The following CCDC57 variants were observed in gnomAD, a reference collection of about 807,000 sequenced individuals.
CCDC57 encodes the protein coiled-coil domain containing 57, also known as coiled-coil domain-containing protein 57.
In CCDC57, 118 loss-of-function variants were observed where a neutral mutation model predicts 118.9. The observed-to-expected ratio is 0.99, with a 90% CI of 0.86 to 1.16. The LOEUF (loss-of-function observed/expected upper bound fraction) is 1.16. Among genes scored for constraint, CCDC57 ranks in the 50% most tolerant of loss-of-function variants. The pLI, the probability that CCDC57 is intolerant of heterozygous loss-of-function variation, is 0.00. For missense variants in CCDC57, 1,300 were observed against 1,320.7 expected (o/e 0.98, Z 0.24); for synonymous variants, 527 against 532.9 (o/e 0.99, Z 0.15).
At chr17:82,185,739 G>C (rs374314441) in intron 8 of CCDC57, among the ~76,000 whole-genome samples, 2 of 151,934 alleles carry the variant, frequency 1.3e-5, no homozygotes, top group African/African-American at 4.8e-5. Context: ...AAGCTGGCCA[G>C]GCACGGTGGC....
intron 2 of CCDC57, among the ~76,000 whole-genome samples, chr17:82,204,429 C>A (rs576838916): frequency 6.6e-6 from 1 of 152,326 alleles, no homozygotes; most frequent in Admixed American, 6.5e-5. Flanking sequence ...CCACAAGAGA[C>A]CTCAACTGGC....
chr17:82,172,060 T>G lies in CCDC57; in HGVS notation c.1730-207A>C, dbSNP rs2044814833. On this transcript the variant is annotated intron_variant, in intron 12 of 19. Transcript: ENST00000665763. The surrounding 1 kb of genome is among the most constrained non-coding windows in gnomAD (Gnocchi z 5.2). The stretch of plus-strand genomic sequence containing the variant: ...CCTTCCCTCCCCTCACTGGCCAGAG[T>G]GTGCCAGCCAGAGACCAGCACAGTC... Among the ~76,000 whole-genome samples the G allele has an allele frequency of 6.6e-6, 1 of 152,004 alleles. No homozygotes were observed. Among genetic ancestry groups the G allele is most frequent in the Admixed American group, 6.6e-5 (1 of 15,266 alleles).
intron 19 of CCDC57, among the ~76,000 whole-genome samples, chr17:82,111,446 G>T (rs190828528): frequency 0.01 from 1,489 of 145,044 alleles, 22 homozygotes; most frequent in African/African-American, 0.037. Flanking sequence ...TGGCGTGATC[G>T]TGGCTCACTG....
At chr17:82,127,063 C>G in intron 19 of CCDC57, 12 of 985,460 alleles carry the variant, frequency 1.2e-5, no homozygotes, top group Non-Finnish European at 1.4e-5. Flanking sequence ...ACCCTTCAAA[C>G]AGACTTTTCT....
intron 15 of CCDC57, chr17:82,157,387 C>T (rs956077134): frequency 1.5e-5 from 17 of 1,128,720 alleles, no homozygotes; most frequent in Admixed American, 1.3e-4. Flanking sequence ...TGCACGCAGA[C>T]GCCCCCTCAG....
chr17:82,178,445 G>C, intron 11 of CCDC57, 29 bp downstream of exon 10: 1 of 1,570,458 alleles, frequency 6.4e-7, no homozygotes, highest in Non-Finnish European at 8.6e-7. Context: ...GTTGAGCAAA[G>C]TTTCAAAGAG....
At chr17:82,149,839 A>G (rs966309787) in intron 16 of CCDC57, among the ~76,000 whole-genome samples, 33 of 150,202 alleles carry the variant, frequency 2.2e-4, no homozygotes, top group East Asian at 3.9e-4. Flanking sequence ...GCGCACACCC[A>G]GAACCTGGCG....
At chr17:82,123,982 C>CA (rs200031813) in intron 19 of CCDC57, among the ~76,000 whole-genome samples, 12,326 of 64,540 alleles carry the variant, frequency 0.19, 783 homozygotes, top group Non-Finnish European at 0.23. Context: ...CATCCAAAAG[C>CA]AAAAAAAAAA....
intron 2 of CCDC57, among the ~76,000 whole-genome samples, chr17:82,206,142 CT>C (rs1185067859): frequency 6.6e-6 from 1 of 152,258 alleles, no homozygotes; most frequent in African/African-American, 2.4e-5. Flanking sequence ...CGTTCACCCT[CT>C]TTCAGGAGAA....
chr17:82,198,182 C>T (rs1282097695), intron 4 of CCDC57, 132 bp downstream of exon 3: 4 of 591,024 alleles, frequency 6.8e-6, no homozygotes, highest in Non-Finnish European at 1.2e-5. Flanking sequence ...GCCCCAAAGA[C>T]CCCATTTTAC....
At chr17:82,114,463 T>A (rs2035591649) in intron 19 of CCDC57, among the ~76,000 whole-genome samples, 1 of 152,238 alleles carries the variant, frequency 6.6e-6, no homozygotes, top group African/African-American at 2.4e-5. Context: ...AATGCCACTC[T>A]GGCGTTCTAC....
At chr17:82,109,327 G>T (rs146023566) in intron 19 of CCDC57, among the ~76,000 whole-genome samples, 1 of 152,258 alleles carries the variant, frequency 6.6e-6, no homozygotes, top group Non-Finnish European at 1.5e-5. Flanking sequence ...GAGGCATAAG[G>T]TTCTGTGAGC....
In CCDC57 at chr17:82,198,432, T is replaced by C; in HGVS notation, c.408-10A>G. The stretch of plus-strand genomic sequence containing the variant: ...CTCACCATTCTTGTCACTATGGTAA[T>C]AAAACAGCATTAAGAAAAGCCATAC... On this transcript the variant is annotated splice_polypyrimidine_tract_variant and intron_variant, in intron 3 of 19. Transcript: ENST00000665763. 6.5e-7 allele frequency: 1 copy of C among 1,528,666 alleles called. No homozygotes were observed. The highest frequency in any genetic ancestry group is 9.0e-7 in the Non-Finnish European group (1 of 1,106,260). The allele number at this position is 1,528,666 out of a possible 1,614,324, so 94.7% of individuals were successfully genotyped here.
chr17:82,196,372 G>T (rs147318387), intron 4 of CCDC57, among the ~76,000 whole-genome samples: 13 of 152,326 alleles, frequency 8.5e-5, no homozygotes, highest in Non-Finnish European at 1.5e-5. Context: ...TGGTTTCTGA[G>T]AATTCCAAGA....
intron 11 of CCDC57, among the ~76,000 whole-genome samples, chr17:82,176,165 G>A (rs965283899): frequency 7.1e-6 from 1 of 141,102 alleles, no homozygotes; most frequent in African/African-American, 2.6e-5. Context: ...CCGCACTACA[G>A]TCTAAGCCCA....
chr17:82,172,887 C>G lies in CCDC57; in HGVS notation c.1507-27G>C. On this transcript the variant is annotated intron_variant, in intron 11 of 19. Transcript: ENST00000665763. This position sits in a 1 kb window ranked among gnomAD's most constrained non-coding sequence, Gnocchi z 5.2. ...TGTCAAATACAAGGAAAAATGGCTA[C>G]AAAAAGATGAATGGTTCCCCAGCTT... is the stretch of plus-strand genomic sequence containing the variant. 6.3e-7 allele frequency: 1 copy of G among 1,583,922 alleles called. No individual in the cohort carries two copies. Among genetic ancestry groups the G allele is most frequent in the Non-Finnish European group, 8.6e-7 (1 of 1,161,376 alleles).
intron 11 of CCDC57, among the ~76,000 whole-genome samples, chr17:82,178,153 G>T (rs1438547289): frequency 6.6e-6 from 1 of 152,230 alleles, no homozygotes; most frequent in Admixed American, 6.5e-5. Context: ...CAGGAGCGGT[G>T]ATGACAGATT....
rs767685152 is a variant in CCDC57, at chr17:82,201,562, C to A, written c.383G>T (p.Arg128Leu). The change falls in exon 3 of 20, where the codon CGC becomes CTC. Residue 128 changes from arginine (R) to leucine (L), a missense_variant. By Grantham distance (102) the Arg-to-Leu change is moderately radical. Transcript: ENST00000665763. The stretch of plus-strand genomic sequence containing the variant: ...CCTGTGGACGCGCTCCAGCTCCAGG[C>A]GATGCTCCTGGAATGCCAGCTGCTG... The A allele has an allele frequency of 1.2e-5, 19 of 1,609,484 alleles. 1 individual carries two copies. The South Asian group carries it at 1.5e-4, about 13-fold the overall frequency.
At chr17:82,206,920 T>C (rs1329608769) in intron 2 of CCDC57, among the ~76,000 whole-genome samples, 2 of 152,236 alleles carry the variant, frequency 1.3e-5, no homozygotes, top group Non-Finnish European at 2.9e-5. Context: ...TAGGCCGAAC[T>C]AAGTTTAGGA....
Sources: allele counts gnomAD v4.1 joint callset (sites outside exome capture counted in the v4.1 genomes callset), GRCh38; gene constraint gnomAD v4.1.1; non-coding constraint Gnocchi (gnomAD v3.1); transcripts MANE v1.5; gene names NCBI Gene and HGNC (gene_info 2026-07-23, HGNC 2026-07-21).